The following FOXP1 variants were observed in gnomAD, a reference collection of about 807,000 sequenced individuals.
FOXP1 encodes the protein forkhead box protein P1.
FOXP1 carries 15 observed loss-of-function variants against 98.2 expected under a neutral mutation model. The ratio of observed to expected loss-of-function variants is 0.15; its 90% CI spans 0.10 to 0.24. The LOEUF is 0.24. FOXP1 is among the 10% of genes least tolerant of loss of function. The pLI is 1.00. For synonymous variants in FOXP1, 371 were observed against 314.5 expected (o/e 1.18, Z -1.90); for missense variants, 633 against 848.5 (o/e 0.75, Z 3.15).
At chr3:71,065,426 C>T (rs1203876834) in intron 7 of FOXP1, among the ~76,000 whole-genome samples, 1 of 152,230 alleles carries the variant, frequency 6.6e-6, no homozygotes, top group Non-Finnish European at 1.5e-5. Context: ...GTACGCAGGT[C>T]TCCTAGGCAG....
chr3:71,563,955 G>T (rs1456627494), intron 2 of FOXP1, among the ~76,000 whole-genome samples: 4 of 152,230 alleles, frequency 2.6e-5, no homozygotes, highest in Non-Finnish European at 5.9e-5. Flanking sequence ...CCCACAGTAT[G>T]CCAGATTATC....
intron 4 of FOXP1, among the ~76,000 whole-genome samples, chr3:71,352,599 C>T (rs187371764): frequency 2.0e-5 from 3 of 151,820 alleles, no homozygotes; most frequent in Non-Finnish European, 4.4e-5. Context: ...CTTCAGCTTC[C>T]TCACCTGTAA....
At chr3:71,229,282 G>C (rs1045791628) in intron 5 of FOXP1, among the ~76,000 whole-genome samples, 2 of 152,122 alleles carry the variant, frequency 1.3e-5, no homozygotes, top group Admixed American at 6.5e-5. Flanking sequence ...TGTACTTAAA[G>C]TACTGAGCAT....
At chr3:71,421,542 T>C (rs1163280120) in intron 3 of FOXP1, among the ~76,000 whole-genome samples, 1 of 152,140 alleles carries the variant, frequency 6.6e-6, no homozygotes, top group Non-Finnish European at 1.5e-5. Context: ...GTGAGGGCCA[T>C]CTCCCCAGCG....
At chr3:71,043,829 A>G (rs2048672183) in intron 10 of FOXP1, among the ~76,000 whole-genome samples, 1 of 152,210 alleles carries the variant, frequency 6.6e-6, no homozygotes, top group South Asian at 2.1e-4. Flanking sequence ...AAAGACAAAG[A>G]CAAATGTATT....
At chr3:71,510,903 A>C (rs1351086237) in intron 2 of FOXP1, among the ~76,000 whole-genome samples, 2 of 152,238 alleles carry the variant, frequency 1.3e-5, no homozygotes, top group African/African-American at 2.4e-5. Flanking sequence ...CACGGCCTAT[A>C]ATTTACAAAG....
At chr3:71,196,085 T>C (rs558681505) in intron 6 of FOXP1, among the ~76,000 whole-genome samples, 2 of 152,330 alleles carry the variant, frequency 1.3e-5, no homozygotes, top group South Asian at 4.1e-4. Context: ...CAGGGGGTTT[T>C]AGCCACAGTG....
chr3:70,967,703 T>TCTG (rs2035211525), intron 19 of FOXP1, among the ~76,000 whole-genome samples: 2 of 119,698 alleles, frequency 1.7e-5, no homozygotes, highest in African/African-American at 4.4e-5. Flanking sequence ...TTTTTTTGTT[T>TCTG]TTTTTTGTTT....
rs77946380 is a variant in FOXP1 at position 71,326,876 on chromosome 3, C to T, written c.-72-26996G>A. ...TGAACTGGTTTACTGCAGAATGAGA[C>T]AATAATCCAAACTATAAGAGAAATA... On this transcript the variant is annotated intron_variant, in intron 4 of 20. Transcript: ENST00000649528. Among the ~76,000 whole-genome samples, 1,123 of 152,148 alleles carry T rather than the reference C, an allele frequency of 7.4e-3. 30 individuals are homozygous for T. The highest frequency in any genetic ancestry group is 4.7e-3 in the Non-Finnish European group (319 of 68,004).
chr3:71,330,043 A>G (rs959103760), intron 4 of FOXP1, among the ~76,000 whole-genome samples: 4 of 152,194 alleles, frequency 2.6e-5, no homozygotes, highest in Non-Finnish European at 4.4e-5. Context: ...AACCTGTTTC[A>G]AAAGAAAAGC....
chr3:71,350,683 G>A (rs2077716678), intron 4 of FOXP1, among the ~76,000 whole-genome samples: 1 of 152,112 alleles, frequency 6.6e-6, no homozygotes, highest in Non-Finnish European at 1.5e-5. Context: ...CAACTTTCTG[G>A]GAAAACTCCC....
At chr3:71,301,678 A>G (rs2073857618) in intron 4 of FOXP1, among the ~76,000 whole-genome samples, 1 of 152,214 alleles carries the variant, frequency 6.6e-6, no homozygotes, top group Admixed American at 6.5e-5. Context: ...TTGCCATCAT[A>G]TAGGCCTGGC....
chr3:71,190,477 A>C lies in FOXP1; in HGVS notation c.180+7725T>G, dbSNP rs533625974. 1.1e-3 allele frequency among the ~76,000 whole-genome samples: 161 copies of C among 142,888 alleles called. 1 individual carries two copies. Among genetic ancestry groups the C allele is most frequent in the African/African-American group, 3.2e-3 (123 of 37,864 alleles). 93.7% of individuals were successfully genotyped at this position (142,888 alleles called of 152,430 possible). A position where few individuals can be genotyped will look rare whatever the true frequency, so the allele number is the denominator to read the frequency against. ...AAAACAAAAAGAAAAACAACAACAAAAAAAAAACAGCTGGCCTGCCGTCCC... is the reference window on the plus strand; with the variant it reads ...AAAACAAAAAGAAAAACAACAACAACAAAAAAACAGCTGGCCTGCCGTCCC... On this transcript the variant is annotated intron_variant, in intron 6 of 20. Transcript: ENST00000649528.
At chr3:71,088,901 G>A (rs991693798) in intron 7 of FOXP1, among the ~76,000 whole-genome samples, 1 of 152,126 alleles carries the variant, frequency 6.6e-6, no homozygotes, top group Non-Finnish European at 1.5e-5. Flanking sequence ...ATTAGTACAG[G>A]CAAATCTTTT....
At chr3:71,094,774 G>A (rs539182750) in intron 7 of FOXP1, among the ~76,000 whole-genome samples, 6 of 152,298 alleles carry the variant, frequency 3.9e-5, no homozygotes, top group South Asian at 4.1e-4. Flanking sequence ...GTTTGGGGAC[G>A]GGGAATGGTG....
chr3:71,550,833 TA>T (rs2045722237), intron 2 of FOXP1, among the ~76,000 whole-genome samples: 1 of 152,168 alleles, frequency 6.6e-6, no homozygotes, highest in South Asian at 2.1e-4. Context: ...ACAGCTGAGG[TA>T]AAAAGCAGCA....
intron 7 of FOXP1, among the ~76,000 whole-genome samples, chr3:71,071,062 A>G (rs935411221): frequency 6.6e-6 from 1 of 152,144 alleles, no homozygotes; most frequent in Non-Finnish European, 1.5e-5. Flanking sequence ...TGCGCTCGCT[A>G]TGGCTTGCTT....
At chr3:71,517,889 T>A (rs1424103551) in intron 2 of FOXP1, among the ~76,000 whole-genome samples, 1 of 152,248 alleles carries the variant, frequency 6.6e-6, no homozygotes, top group African/African-American at 2.4e-5. Flanking sequence ...TCATCTTACC[T>A]AAGTCATATT....
At chr3:71,126,721 G>A (rs2059207325) in intron 6 of FOXP1, among the ~76,000 whole-genome samples, 1 of 151,686 alleles carries the variant, frequency 6.6e-6, no homozygotes, top group African/African-American at 2.4e-5. Flanking sequence ...CTACTTAGGA[G>A]GACGATGCAT....
Sources: allele counts gnomAD v4.1 joint callset (sites outside exome capture counted in the v4.1 genomes callset), GRCh38; gene constraint gnomAD v4.1.1; transcripts MANE v1.5; gene names NCBI Gene and HGNC (gene_info 2026-07-23, HGNC 2026-07-21).